Variants in DDX10 observed in about 807,000 individuals in gnomAD.
The protein encoded by DDX10 is DEAD-box helicase 10, also known as probable ATP-dependent RNA helicase DDX10.
A neutral mutation model predicts 104.3 loss-of-function variants in DDX10; 74 were observed. The ratio of observed to expected loss-of-function variants is 0.71; its 90% CI spans 0.59 to 0.86. The LOEUF (loss-of-function observed/expected upper bound fraction) is 0.86. Among genes scored for constraint, DDX10 ranks in the 40% least tolerant of loss-of-function variants. The pLI is 0.00. For synonymous variants in DDX10, 351 were observed against 353.4 expected (o/e 0.99, Z 0.08); for missense variants, 952 against 1,040.0 (o/e 0.92, Z 1.16).
At chr11:108,872,882 T>C (rs1863102046) in intron 16 of DDX10, among the ~76,000 whole-genome samples, 1 of 149,300 alleles carries the variant, frequency 6.7e-6, no homozygotes, top group Non-Finnish European at 1.5e-5. Flanking sequence ...TTCTTTCACT[T>C]TCCCACTCCT....
chr11:108,730,348 C>T (rs552628516), intron 13 of DDX10, among the ~76,000 whole-genome samples: 5 of 152,298 alleles, frequency 3.3e-5, no homozygotes, highest in South Asian at 2.1e-4. Context: ...AGTGACAACT[C>T]GGGCTCCCCT....
At chr11:108,721,927 A>T (rs940357105) in intron 12 of DDX10, among the ~76,000 whole-genome samples, 2 of 152,182 alleles carry the variant, frequency 1.3e-5, no homozygotes, top group Non-Finnish European at 2.9e-5. Flanking sequence ...TGAGTTTGTG[A>T]TCCTAACCCT....
chr11:108,920,848 A>G (rs1046614806), intron 17 of DDX10: 1 of 152,244 alleles, frequency 6.6e-6, no homozygotes, highest in Non-Finnish European at 1.5e-5. Flanking sequence ...CTTGGCCTCT[A>G]CCACTAGCAT....
intron 6 of DDX10, among the ~76,000 whole-genome samples, chr11:108,679,802 T>A (rs1434154968): frequency 2.0e-5 from 3 of 152,226 alleles, no homozygotes; most frequent in Admixed American, 6.5e-5. Flanking sequence ...TTTCCATAGA[T>A]GTTAAGAGGT....
chr11:108,775,225 A>T (rs2094368397), intron 13 of DDX10, among the ~76,000 whole-genome samples: 1 of 152,220 alleles, frequency 6.6e-6, no homozygotes, highest in South Asian at 2.1e-4. Context: ...TGTCATGGGA[A>T]ATTAAATTGA....
intron 8 of DDX10, among the ~76,000 whole-genome samples, chr11:108,692,563 G>A (rs1405089843): frequency 6.6e-6 from 1 of 152,192 alleles, no homozygotes; most frequent in Admixed American, 6.5e-5. Flanking sequence ...CAAAGGGTGA[G>A]AATAAATAGG....
intron 15 of DDX10, among the ~76,000 whole-genome samples, chr11:108,848,952 A>G (rs1862756285): frequency 6.6e-6 from 1 of 152,158 alleles, no homozygotes; most frequent in Non-Finnish European, 1.5e-5. Flanking sequence ...GTAAATATTC[A>G]AAGGATTTAA....
chr11:108,733,130 G>C (rs1228242019), intron 13 of DDX10, among the ~76,000 whole-genome samples: 1 of 145,054 alleles, frequency 6.9e-6, no homozygotes, highest in Non-Finnish European at 1.5e-5. Flanking sequence ...TTTTTTAGTA[G>C]CTTTTTCTTT....
chr11:108,920,493 T>G (rs895218048), intron 17 of DDX10: 3 of 152,198 alleles, frequency 2.0e-5, no homozygotes, highest in African/African-American at 4.8e-5. Flanking sequence ...GTTTTTTGTT[T>G]TGGCCTGTGA....
intron 3 of DDX10, among the ~76,000 whole-genome samples, chr11:108,676,156 G>C (rs1487158339): frequency 6.6e-6 from 1 of 152,204 alleles, no homozygotes; most frequent in African/African-American, 2.4e-5. Context: ...AGGAGCTTTA[G>C]GCATTTGTTG....
At chr11:108,703,047 G>A (rs940231752) in intron 9 of DDX10, among the ~76,000 whole-genome samples, 1 of 152,078 alleles carries the variant, frequency 6.6e-6, no homozygotes, top group Non-Finnish European at 1.5e-5. Flanking sequence ...GTTATCGGGC[G>A]GCTAGACTCT....
intron 13 of DDX10, among the ~76,000 whole-genome samples, chr11:108,762,855 C>T (rs1247048251): frequency 6.6e-6 from 1 of 152,144 alleles, no homozygotes. Context: ...TCTTTCCTTT[C>T]TCGGACAATA....
At chr11:108,874,335 A>G (rs562479712) in intron 16 of DDX10, among the ~76,000 whole-genome samples, 1 of 152,324 alleles carries the variant, frequency 6.6e-6, no homozygotes, top group African/African-American at 2.4e-5. Context: ...TCTACTTTAG[A>G]TGCCATTCTC....
chr11:108,789,202 CAATCAG>C (rs1861836054), intron 13 of DDX10, among the ~76,000 whole-genome samples: 1 of 152,200 alleles, frequency 6.6e-6, no homozygotes, highest in Non-Finnish European at 1.5e-5. Flanking sequence ...GTCACACCTT[CAATCAG>C]AGCCAGAGAT....
At chr11:108,707,366 G>A (rs1362845699) in intron 10 of DDX10, among the ~76,000 whole-genome samples, 1 of 151,954 alleles carries the variant, frequency 6.6e-6, no homozygotes, top group Admixed American at 6.6e-5. Flanking sequence ...GGAATTATAC[G>A]GTACCTAGCC....
At chr11:108,687,544 T>G (rs1013858849) in intron 6 of DDX10, among the ~76,000 whole-genome samples, 1 of 152,158 alleles carries the variant, frequency 6.6e-6, no homozygotes, top group Non-Finnish European at 1.5e-5. Flanking sequence ...TCTTTTCATA[T>G]GGTTATTTTT....
At chr11:108,886,476 C>T (rs1253263258) in intron 16 of DDX10, among the ~76,000 whole-genome samples, 2 of 152,158 alleles carry the variant, frequency 1.3e-5, no homozygotes, top group East Asian at 1.9e-4. Context: ...ATTCTTCATA[C>T]CAGATTTTTG....
Position 108,837,598 on chromosome 11 carries a change from T to C in DDX10, c.1966-848T>C, listed in dbSNP as rs575927961. ...TTAAGTGTTTTCTGCATCTCACCTT[T>C]GGATACAGCTTTTTTTTTTTTTTTT... On this transcript the variant is annotated intron_variant, in intron 13 of 17. Coordinates refer to ENST00000322536, the MANE Select transcript of DDX10 (RefSeq NM_004398.4). Among the ~76,000 whole-genome samples the C allele has an allele frequency of 2.8e-5, 4 of 144,376 alleles. No homozygotes were observed. The South Asian group carries it at 8.9e-4, about 32-fold the overall frequency. 94.7% of individuals were successfully genotyped at this position (144,376 alleles called of 152,430 possible).
At chr11:108,744,431 C>T (rs948018613) in intron 13 of DDX10, among the ~76,000 whole-genome samples, 1 of 152,176 alleles carries the variant, frequency 6.6e-6, no homozygotes, top group Non-Finnish European at 1.5e-5. Flanking sequence ...CAACAATCCA[C>T]AGCCACTTCA....
Sources: gnomAD v4.1 joint callset for allele counts (sites outside exome capture counted in the v4.1 genomes callset) on GRCh38, gnomAD v4.1.1 for gene constraint, MANE v1.5 for transcripts, NCBI Gene and HGNC (gene_info 2026-07-23, HGNC 2026-07-21) for gene names.